CTIF: variants seen among roughly 807,000 people sequenced by gnomAD.
CTIF encodes the protein CBP80/20-dependent translation initiation factor.
Under a neutral mutation model 66.0 loss-of-function variants are expected in CTIF, and 21 were observed. That is an observed-to-expected ratio of 0.32 (90% CI 0.23 to 0.46). CTIF has a LOEUF of 0.46. CTIF is among the 20% of genes least tolerant of loss of function. CTIF has a pLI of 1.00. For missense variants in CTIF, 739 were observed against 812.7 expected, an observed-to-expected ratio of 0.91 and a Z score of 1.10; for synonymous variants, 345 against 326.4, an observed-to-expected ratio of 1.06 and a Z score of -0.62.
chr18:48,669,817 A>G (rs1366073664), intron 5 of CTIF, among the ~76,000 whole-genome samples: 5 of 115,236 alleles, frequency 4.3e-5, no homozygotes, highest in African/African-American at 1.3e-4. Context: ...ATATATATAT[A>G]TATATATATA....
At chr18:48,750,331 G>GGCCTCTTGCCCTGGATTTCCAGGCCTC (rs1487015342) in intron 7 of CTIF, among the ~76,000 whole-genome samples, 7 of 152,268 alleles carry the variant, frequency 4.6e-5, no homozygotes, top group Non-Finnish European at 7.3e-5. Context: ...TTCCAGTGGG[G>GGCCTCTTGCCCTGGATTTCCAGGCCTC]TTGAGGGGAG....
rs189802997 is a variant in CTIF at position 48,594,707 on chromosome 18, C to A, written c.-28-24831C>A. Among the ~76,000 whole-genome samples the A allele has an allele frequency of 3.9e-5, 6 of 152,354 alleles. No homozygotes were observed. In the East Asian group the frequency reaches 5.8e-4, roughly 15 times the overall value. On this transcript the variant is annotated intron_variant, in intron 1 of 11. Coordinates refer to ENST00000256413, the MANE Select transcript of CTIF (RefSeq NM_014772.3). ...GCACCCACAGCAGATAACTGTCCCC[C>A]TCCTGTGCCCATCCTGAAGCTGGCC... is the stretch of plus-strand genomic sequence containing the variant.
intron 1 of CTIF, among the ~76,000 whole-genome samples, chr18:48,581,391 C>T (rs564409439): frequency 2.0e-5 from 3 of 152,186 alleles, no homozygotes; most frequent in Non-Finnish European, 4.4e-5. Flanking sequence ...GCTCTGCCCT[C>T]ATCTTATCTC....
chr18:48,657,217 A>G (rs1200362345), intron 3 of CTIF, among the ~76,000 whole-genome samples: 1 of 152,260 alleles, frequency 6.6e-6, no homozygotes, highest in Non-Finnish European at 1.5e-5. Flanking sequence ...GAAATATTGC[A>G]TACTCCACTT....
chr18:48,784,660 G>C, intron 9 of CTIF, among the ~76,000 whole-genome samples: 1 of 152,250 alleles, frequency 6.6e-6, no homozygotes, highest in Middle Eastern at 3.4e-3. Flanking sequence ...GGAGCCTCCT[G>C]GGAGAGCCAG....
chr18:48,819,632 CTTG>C (rs940275377), intron 10 of CTIF, among the ~76,000 whole-genome samples: 39 of 152,358 alleles, frequency 2.6e-4, no homozygotes, highest in African/African-American at 9.1e-4. Context: ...CTAACGCACA[CTTG>C]TTGGATGCAT....
intron 7 of CTIF, among the ~76,000 whole-genome samples, chr18:48,735,491 G>A (rs1002733086): frequency 1.3e-5 from 2 of 152,110 alleles, no homozygotes; most frequent in African/African-American, 2.4e-5. Context: ...GCACAGGCAC[G>A]TGGCAGGAAG....
chr18:48,639,928 C>A (rs2090896395), intron 3 of CTIF, among the ~76,000 whole-genome samples: 2 of 152,184 alleles, frequency 1.3e-5, no homozygotes, highest in African/African-American at 2.4e-5. Context: ...CCTGTTGCCC[C>A]CTACTGGAGG....
At chr18:48,616,640 T>G (rs1208501485) in intron 1 of CTIF, among the ~76,000 whole-genome samples, 1 of 152,148 alleles carries the variant, frequency 6.6e-6, no homozygotes, top group Admixed American at 6.6e-5. Context: ...GCTGCGAAGG[T>G]GAAGTGAGTG....
intron 6 of CTIF, among the ~76,000 whole-genome samples, chr18:48,682,745 C>A (rs1320026060): frequency 6.6e-6 from 1 of 152,212 alleles, no homozygotes; most frequent in Non-Finnish European, 1.5e-5. Flanking sequence ...CAACATGGTC[C>A]CCCAGACTCC....
At chr18:48,651,641 AC>A (rs1427887951) in intron 3 of CTIF, among the ~76,000 whole-genome samples, 1 of 152,210 alleles carries the variant, frequency 6.6e-6, no homozygotes, top group African/African-American at 2.4e-5. Flanking sequence ...AGAACTCGCC[AC>A]CCCAAGTCAA....
At chr18:48,549,802 G>C (rs917112827) in intron 1 of CTIF, among the ~76,000 whole-genome samples, 2 of 152,170 alleles carry the variant, frequency 1.3e-5, no homozygotes, top group Non-Finnish European at 2.9e-5. Flanking sequence ...TGGTGCTTTC[G>C]CCTCATCTAG....
chr18:48,676,589 G>C (rs531748805), intron 6 of CTIF, among the ~76,000 whole-genome samples: 2 of 152,234 alleles, frequency 1.3e-5, no homozygotes, highest in Admixed American at 6.5e-5. Flanking sequence ...AAGGGGCTTA[G>C]TGCCCACACA....
At chr18:48,594,246 G>C (rs149287974) in intron 1 of CTIF, among the ~76,000 whole-genome samples, 141 of 152,188 alleles carry the variant, frequency 9.3e-4, no homozygotes, top group African/African-American at 3.1e-3. Context: ...CACTCAGAAG[G>C]GTTCATGTTT....
intron 7 of CTIF, 42 bp downstream of exon 7, chr18:48,711,737 G>C: frequency 6.5e-7 from 1 of 1,543,506 alleles, no homozygotes; most frequent in East Asian, 2.2e-5. Context: ...TTCCTTTCCT[G>C]CTTCTGCCAT....
At chr18:48,694,109 G>T (rs1341199238) in intron 6 of CTIF, among the ~76,000 whole-genome samples, 2 of 152,364 alleles carry the variant, frequency 1.3e-5, no homozygotes, top group Non-Finnish European at 2.9e-5. Flanking sequence ...GGGGTGGCAG[G>T]TGCTGCTGCT....
At chr18:48,631,884 G>A (rs1288329431) in intron 2 of CTIF, among the ~76,000 whole-genome samples, 2 of 152,204 alleles carry the variant, frequency 1.3e-5, no homozygotes, top group Non-Finnish European at 2.9e-5. Flanking sequence ...AAAGGGAAAT[G>A]TGTGGGATTT....
intron 10 of CTIF, among the ~76,000 whole-genome samples, chr18:48,832,033 A>G (rs2068702443): frequency 6.6e-6 from 1 of 152,258 alleles, no homozygotes; most frequent in Middle Eastern, 3.4e-3. Flanking sequence ...CAAAGTCTCA[A>G]AAGTACTTTT....
chr18:48,660,937 A>G (rs186109129), intron 3 of CTIF, among the ~76,000 whole-genome samples: 1 of 152,204 alleles, frequency 6.6e-6, no homozygotes, highest in East Asian at 1.9e-4. Flanking sequence ...CTTACTCTCT[A>G]AGGGCCTTAC....
Sources: gnomAD v4.1 joint callset for allele counts (sites outside exome capture counted in the v4.1 genomes callset) on GRCh38, gnomAD v4.1.1 for gene constraint, MANE v1.5 for transcripts, NCBI Gene and HGNC (gene_info 2026-07-23, HGNC 2026-07-21) for gene names.